Variants in CHORDC1 observed in about 807,000 individuals in gnomAD.
The protein encoded by CHORDC1 is cysteine and histidine-rich domain-containing protein 1.
CHORDC1 carries 25 observed loss-of-function variants against 48.3 expected under a neutral mutation model. The ratio of observed to expected loss-of-function variants is 0.52; its 90% CI spans 0.38 to 0.72. CHORDC1 has a LOEUF of 0.72. Among genes scored for constraint, CHORDC1 ranks in the 30% least tolerant of loss-of-function variants. The probability of loss-of-function intolerance (pLI) is 0.00; values close to 1 mark genes in which losing one functional copy is unlikely to be tolerated. For synonymous variants in CHORDC1, 128 were observed against 126.4 expected (o/e 1.01, Z -0.09); for missense variants, 317 against 388.7 (o/e 0.82, Z 1.55).
intron 2 of CHORDC1, 178 bp downstream of exon 2, chr11:90,217,957 T>C (rs1436091725): frequency 2.9e-5 from 12 of 414,570 alleles, no homozygotes; most frequent in Non-Finnish European, 5.2e-5. Context: ...GACCTTAAGA[T>C]CATCATCTAC....
At chr11:90,214,719 G>A (rs975025026) in intron 3 of CHORDC1, among the ~76,000 whole-genome samples, 2 of 151,946 alleles carry the variant, frequency 1.3e-5, no homozygotes, top group African/African-American at 4.8e-5. Context: ...ACATTCTACT[G>A]AATTATACAT....
chr11:90,204,923 G>A (rs1436159511), intron 8 of CHORDC1, among the ~76,000 whole-genome samples: 1 of 151,964 alleles, frequency 6.6e-6, no homozygotes, highest in African/African-American at 2.4e-5. Flanking sequence ...AAGCTGTCCA[G>A]GGAAGTAGGA....
intron 4 of CHORDC1, chr11:90,211,963 T>A (rs907496561): frequency 1.3e-5 from 2 of 152,160 alleles, no homozygotes; most frequent in African/African-American, 4.8e-5. Flanking sequence ...TCATTCTATA[T>A]CCTCGATGAA....
At chr11:90,207,775 AAAAC>A (rs1167653754) in intron 6 of CHORDC1, 6 of 148,874 alleles carry the variant, frequency 4.0e-5, no homozygotes, top group East Asian at 2.0e-4. Flanking sequence ...AAAAAAAAAA[AAAAC>A]AAAAAAAACT....
chr11:90,214,366 T>A (rs896104406), intron 3 of CHORDC1, among the ~76,000 whole-genome samples, 191 bp from the exon 4 acceptor site: 4 of 152,156 alleles, frequency 2.6e-5, no homozygotes, highest in Non-Finnish European at 4.4e-5. Context: ...ACGGCTTTTT[T>A]AAAAAGTCTT....
intron 4 of CHORDC1, chr11:90,212,368 G>A (rs1487397117): frequency 1.3e-5 from 2 of 152,090 alleles, no homozygotes; most frequent in Non-Finnish European, 2.9e-5. Flanking sequence ...CCATGATTGT[G>A]AGGCCTCCCC....
intron 8 of CHORDC1, 66 bp downstream of exon 8, chr11:90,205,394 C>T: frequency 9.8e-7 from 1 of 1,023,316 alleles, no homozygotes; most frequent in Non-Finnish European, 1.5e-6. Context: ...AGAATAATTT[C>T]AAATCTTTAA....
intron 2 of CHORDC1, chr11:90,216,681 C>G (rs1168016141): frequency 3.4e-6 from 1 of 290,276 alleles, no homozygotes; most frequent in African/African-American, 2.3e-5. Flanking sequence ...AGAGAAAAAA[C>G]GGGCAATGGA....
intron 1 of CHORDC1, chr11:90,222,649 C>A (rs1168058385): frequency 2.9e-6 from 2 of 686,210 alleles, no homozygotes; most frequent in East Asian, 2.8e-5. Context: ...TCCATGGGAG[C>A]GTCTCTCTCC....
At chr11:90,218,014 C>T (rs937342662) in intron 2 of CHORDC1, 121 bp downstream of exon 2, 3 of 638,400 alleles carry the variant, frequency 4.7e-6, no homozygotes, top group African/African-American at 1.9e-5. Context: ...AGCACCTCCC[C>T]CGCAAAGGTC....
At position 90,201,412 on chromosome 11, in the gene CHORDC1, T is replaced by C. The variant is rs1481479493; in HGVS notation, c.*993A>G. ...TATAGTCAACATTGTATCACTAGAATTGTGAAGCTCTTCATGACTTTAAAA... is the reference window on the plus strand; with the variant it reads ...TATAGTCAACATTGTATCACTAGAACTGTGAAGCTCTTCATGACTTTAAAA... On this transcript the variant is annotated 3_prime_UTR_variant, in exon 11 of 11. Coordinates refer to ENST00000320585, the MANE Select transcript of CHORDC1 (RefSeq NM_012124.3). 6.6e-6 allele frequency: 1 copy of C among 151,880 alleles called. No individual in the cohort carries two copies. Among genetic ancestry groups the C allele is most frequent in the Non-Finnish European group, 1.5e-5 (1 of 67,844 alleles). The allele number at this position is 151,880 out of a possible 1,614,324, so 9.4% of individuals were successfully genotyped here. A position where few individuals can be genotyped will look rare whatever the true frequency, so the allele number is the denominator to read the frequency against.
At position 90,210,610 on chromosome 11, in the gene CHORDC1, A is replaced by G. The variant is rs145365416; in HGVS notation, c.434-16T>C. The G allele has an allele frequency of 7.4e-5, 112 of 1,521,054 alleles. No individual in the cohort carries two copies. The East Asian group carries it at 2.5e-3, about 34-fold the overall frequency. The allele number at this position is 1,521,054 out of a possible 1,614,324, so 94.2% of individuals were successfully genotyped here. A position where few individuals can be genotyped will look rare whatever the true frequency, so the allele number is the denominator to read the frequency against. ...TTGTCTTCTTCTGTAACAAAGAAAA[A>G]AAAATCAAATTAAAAAGTTAAAATA... On this transcript the variant is annotated splice_polypyrimidine_tract_variant and intron_variant, in intron 5 of 10. Coordinates refer to ENST00000320585, the MANE Select transcript of CHORDC1 (RefSeq NM_012124.3).
intron 6 of CHORDC1, chr11:90,207,779 C>CAAAAAAAAAAAAAAAAAAAAAAAAAA (rs1231587858): frequency 1.1e-5 from 1 of 91,304 alleles, no homozygotes; most frequent in Non-Finnish European, 2.1e-5. Flanking sequence ...AAAAAAAAAA[C>CAAAAAAAAAAAAAAAAAAAAAAAAAA]AAAAAAAACT....
chr11:90,213,403 G>C (rs1163712662), intron 4 of CHORDC1: 1 of 698,344 alleles, frequency 1.4e-6, no homozygotes, highest in East Asian at 2.7e-5. Flanking sequence ...TAGTACTCAA[G>C]TGTAGCACGA....
chr11:90,206,684 A>G (rs1054183175), intron 6 of CHORDC1: 2 of 732,376 alleles, frequency 2.7e-6, no homozygotes, highest in Non-Finnish European at 4.0e-6. Flanking sequence ...CTAATAAGCA[A>G]TTCTGGAAGT....
intron 2 of CHORDC1, among the ~76,000 whole-genome samples, chr11:90,217,199 C>T (rs1858034551): frequency 6.6e-6 from 1 of 152,166 alleles, no homozygotes; most frequent in African/African-American, 2.4e-5. Context: ...AGTGCCAAAA[C>T]AGTCTAACTA....
chr11:90,214,360 C>T (rs1857952222), intron 3 of CHORDC1, among the ~76,000 whole-genome samples, 185 bp from the exon 4 acceptor site: 1 of 152,004 alleles, frequency 6.6e-6, no homozygotes, highest in South Asian at 2.1e-4. Context: ...TGAATGACGG[C>T]TTTTTTAAAA....
At chr11:90,208,064 A>G (rs1857750814) in intron 6 of CHORDC1, 1 of 123,308 alleles carries the variant, frequency 8.1e-6, no homozygotes, top group Admixed American at 9.0e-5. Context: ...CACATATGCC[A>G]AAATTTAAAA....
chr11:90,201,746 T>A lies in CHORDC1; in HGVS notation c.*659A>T, dbSNP rs1208220444. ...TATAAAATGGTGAATTTTAACCAAA[T>A]TGATACCTCTGTAATCTTATTTATG... On this transcript the variant is annotated 3_prime_UTR_variant, in exon 11 of 11. Transcript: ENST00000320585. The A allele has an allele frequency of 6.6e-6, 1 of 152,436 alleles. No homozygotes were observed. Among genetic ancestry groups the A allele is most frequent in the Non-Finnish European group, 1.5e-5 (1 of 67,888 alleles). The allele number at this position is 152,436 out of a possible 1,614,324, so 9.4% of individuals were successfully genotyped here.
Sources: gnomAD v4.1 joint callset for allele counts (sites outside exome capture counted in the v4.1 genomes callset) on GRCh38, gnomAD v4.1.1 for gene constraint, MANE v1.5 for transcripts, NCBI Gene and HGNC (gene_info 2026-07-23, HGNC 2026-07-21) for gene names.